The following LRP1B variants were observed in gnomAD, a reference collection of about 807,000 sequenced individuals.
LRP1B encodes LDL receptor related protein 1B.
LRP1B carries 217 observed loss-of-function variants against 556.6 expected under a neutral mutation model. That is an observed-to-expected ratio of 0.39 (90% CI 0.35 to 0.44). The LOEUF (loss-of-function observed/expected upper bound fraction) is 0.44, where lower values mean the gene tolerates loss of function less well. LRP1B is among the 20% of genes least tolerant of loss of function. The pLI is 1.00. For missense variants in LRP1B, 5,053 were observed against 5,620.8 expected, an observed-to-expected ratio of 0.90 and a Z score of 3.23; for synonymous variants, 2,047 against 1,865.8, an observed-to-expected ratio of 1.10 and a Z score of -2.50.
chr2:140,565,375 T>G, intron 43 of LRP1B, among the ~76,000 whole-genome samples: 1 of 151,934 alleles, frequency 6.6e-6, no homozygotes, highest in East Asian at 1.9e-4. Context: ...AATTAGGATT[T>G]AAGATTCTTC....
chr2:141,201,450 T>G (rs2105226298), intron 6 of LRP1B, among the ~76,000 whole-genome samples: 1 of 152,228 alleles, frequency 6.6e-6, no homozygotes, highest in South Asian at 2.1e-4. Flanking sequence ...GTTCCTATCC[T>G]CTAGGAAAGA....
intron 3 of LRP1B, among the ~76,000 whole-genome samples, chr2:141,380,113 C>T (rs1689581144): frequency 6.6e-6 from 1 of 151,982 alleles, no homozygotes; most frequent in Non-Finnish European, 1.5e-5. Context: ...TCTCTTGGAG[C>T]TGTTGAGATC....
chr2:140,845,988 C>T (rs1180064074), intron 29 of LRP1B, among the ~76,000 whole-genome samples: 2 of 152,016 alleles, frequency 1.3e-5, no homozygotes, highest in Non-Finnish European at 1.5e-5. Context: ...TTTCTTTCCC[C>T]TGGATTGATG....
intron 18 of LRP1B, among the ~76,000 whole-genome samples, chr2:140,958,416 T>G (rs1399087512): frequency 6.6e-6 from 1 of 151,660 alleles, no homozygotes; most frequent in Non-Finnish European, 1.5e-5. Context: ...GTTTTGGAAT[T>G]ACAAACCGCA....
At chr2:140,266,938 A>G (rs1385185895) in intron 86 of LRP1B, among the ~76,000 whole-genome samples, 1 of 152,106 alleles carries the variant, frequency 6.6e-6, no homozygotes, top group East Asian at 1.9e-4. Flanking sequence ...GTTACAGCAT[A>G]AAGACTGCAA....
At chr2:140,521,592 A>C (rs1485853) in intron 49 of LRP1B, among the ~76,000 whole-genome samples, 116,428 of 151,840 alleles carry the variant, frequency 0.77, 45,320 homozygotes, top group Middle Eastern at 0.88. Context: ...ACACATAAGC[A>C]CACAGCCCAT....
intron 7 of LRP1B, among the ~76,000 whole-genome samples, chr2:141,132,031 T>A (rs1487545459): frequency 2.0e-5 from 3 of 152,032 alleles, no homozygotes; most frequent in African/African-American, 7.2e-5. Flanking sequence ...TGGATCATTC[T>A]CATGCCTTTG....
chr2:142,023,407 A>AT (rs1165645273), intron 1 of LRP1B, among the ~76,000 whole-genome samples: 2 of 152,248 alleles, frequency 1.3e-5, no homozygotes, highest in African/African-American at 2.4e-5. Flanking sequence ...AAGTTCATAT[A>AT]TTTTTTCTTT....
In LRP1B at chr2:140,364,675, G is replaced by T. The variant is rs893251131; in HGVS notation, c.11117C>A (p.Ala3706Asp). The change falls in exon 72 of 91, where the codon GCC (alanine) becomes GAC (aspartate). Residue 3706 changes from alanine to aspartate, a missense_variant. This residue lies in a region of LRP1B where 599 missense variants were observed against 648.4 expected (regional missense o/e 0.92). Transcript: ENST00000389484. Reference protein sequence around the residue: ...EDDCGDNSDEAPDMCVKFLCP... With the variant: ...EDDCGDNSDEDPDMCVKFLCP... ...AAATGCCATACCACACATATCAGGG[G>T]CTTCATCAGAGTTGTCTCCACAGTC... 1 of 1,609,666 alleles carries T rather than the reference G, an allele frequency of 6.2e-7. No homozygotes were observed. The highest frequency in any genetic ancestry group is 2.2e-5 in the East Asian group (1 of 44,682).
At chr2:141,569,815 C>T (rs1686464487) in intron 2 of LRP1B, among the ~76,000 whole-genome samples, 1 of 151,022 alleles carries the variant, frequency 6.6e-6, no homozygotes, top group African/African-American at 2.4e-5. Flanking sequence ...TCAAGGGCTA[C>T]TTTGAAGGAC....
chr2:142,121,517 G>A (rs1410879706), intron 1 of LRP1B, among the ~76,000 whole-genome samples: 2 of 152,040 alleles, frequency 1.3e-5, no homozygotes, highest in Non-Finnish European at 2.9e-5. Context: ...TTCCTCTCAA[G>A]GGTTGCATAG....
At chr2:141,562,701 G>T (rs1441248424) in intron 2 of LRP1B, among the ~76,000 whole-genome samples, 1 of 151,912 alleles carries the variant, frequency 6.6e-6, no homozygotes, top group Admixed American at 6.6e-5. Flanking sequence ...AAAGTTGCTT[G>T]TTTAAATGGC....
chr2:140,371,171 T>C lies in LRP1B; in HGVS notation c.10875+8A>G. ...ATTCAAATATTTTAATTAAACAATA[T>C]ATTTTACCTCATCTGAACCATCAGC... On this transcript the variant is annotated splice_region_variant and intron_variant, in intron 70 of 90. Transcript: ENST00000389484. The C allele has an allele frequency of 6.6e-7, 1 of 1,516,216 alleles. No homozygotes were observed. The highest frequency in any genetic ancestry group is 8.9e-7 in the Non-Finnish European group (1 of 1,117,334). The allele number at this position is 1,516,216 out of a possible 1,614,324, so 93.9% of individuals were successfully genotyped here. A position where few individuals can be genotyped will look rare whatever the true frequency, so the allele number is the denominator to read the frequency against.
At chr2:140,492,557 A>T (rs749044372) in intron 57 of LRP1B, 51 bp downstream of exon 57, 1 of 1,235,358 alleles carries the variant, frequency 8.1e-7, no homozygotes, top group Non-Finnish European at 1.2e-6. Flanking sequence ...GCTCTAACAC[A>T]TACCTAGTGC....
chr2:141,347,855 G>A (rs1478567575), intron 3 of LRP1B, among the ~76,000 whole-genome samples: 1 of 151,956 alleles, frequency 6.6e-6, no homozygotes, highest in African/African-American at 2.4e-5. Context: ...AAAGTCATGA[G>A]ATGAAAAATT....
At chr2:141,494,341 G>C (rs929322130) in intron 2 of LRP1B, among the ~76,000 whole-genome samples, 2 of 152,068 alleles carry the variant, frequency 1.3e-5, no homozygotes, top group Non-Finnish European at 2.9e-5. Context: ...AACCCTAATA[G>C]GAAGGATGGA....
chr2:141,160,014 G>C (rs1281853778), intron 7 of LRP1B, among the ~76,000 whole-genome samples: 1 of 151,924 alleles, frequency 6.6e-6, no homozygotes, highest in Non-Finnish European at 1.5e-5. Context: ...TGAGGGGAGA[G>C]AACTTAGAGG....
intron 1 of LRP1B, among the ~76,000 whole-genome samples, chr2:141,973,834 T>C (rs1046439697): frequency 9.2e-5 from 14 of 151,836 alleles, no homozygotes; most frequent in African/African-American, 3.1e-4. Flanking sequence ...GTTGTAAGCA[T>C]ATACCTAAAT....
intron 1 of LRP1B, among the ~76,000 whole-genome samples, chr2:141,956,711 G>A (rs1054821039): frequency 2.6e-5 from 4 of 151,828 alleles, no homozygotes; most frequent in Non-Finnish European, 5.9e-5. Context: ...TATAAATATC[G>A]AATTCAACTT....
Sources: gnomAD v4.1 joint callset for allele counts (sites outside exome capture counted in the v4.1 genomes callset) on GRCh38, gnomAD v4.1.1 for gene constraint, gnomAD v4.1.1 regional missense constraint, MANE v1.5 for transcripts, NCBI Gene and HGNC (gene_info 2026-07-23, HGNC 2026-07-21) for gene names.